COL4A3: variants seen among roughly 807,000 people sequenced by gnomAD.
COL4A3 encodes the protein collagen type IV alpha 3 chain.
Under a neutral mutation model 217.4 loss-of-function variants are expected in COL4A3, and 135 were observed. That is an observed-to-expected ratio of 0.62 (90% CI 0.54 to 0.72). COL4A3 has a LOEUF of 0.72. Among genes scored for constraint, COL4A3 ranks in the 30% least tolerant of loss-of-function variants. The pLI is 0.00. For synonymous variants in COL4A3, 690 were observed against 736.3 expected (o/e 0.94, Z 1.02); for missense variants, 1,868 against 2,119.9 (o/e 0.88, Z 2.33).
At chr2:227,273,813 A>C (rs1424367813) in intron 26 of COL4A3, among the ~76,000 whole-genome samples, 2 of 152,256 alleles carry the variant, frequency 1.3e-5, no homozygotes, top group Non-Finnish European at 2.9e-5. Flanking sequence ...ATAGTTTAAA[A>C]GTCCAGGTAA....
At position 227,179,378 on chromosome 2, in the gene COL4A3, GAGACTTAAAAAA is replaced by G. The variant is rs530818074; in HGVS notation, c.87+14568_87+14579del. Among the ~76,000 whole-genome samples the G allele has an allele frequency of 8.0e-3, 1,221 of 152,154 alleles. 17 individuals are homozygous for G. Among genetic ancestry groups the G allele is most frequent in the African/African-American group, 0.028 (1,164 of 41,522 alleles). On this transcript the variant is annotated intron_variant, in intron 1 of 51. Coordinates refer to ENST00000396578, the MANE Select transcript of COL4A3 (RefSeq NM_000091.5). ...AGTTTTAAAATGATGAATGCTTCAT[GAGACTTAAAAAA>G]AGCATCAATTAATTACTTTTATTTA...
At position 227,205,424 on chromosome 2, in the gene COL4A3, A is replaced by G. The variant is rs1323884389; in HGVS notation, c.88-32544A>G. Reference sequence around the variant, plus strand: ...AAGGTACAAACATTGTGATATGTTTATAACATAGGAGAATTTGCTTTCAAT... The same window carrying G: ...AAGGTACAAACATTGTGATATGTTTGTAACATAGGAGAATTTGCTTTCAAT... On this transcript the variant is annotated intron_variant, in intron 1 of 51. Coordinates refer to ENST00000396578, the MANE Select transcript of COL4A3 (RefSeq NM_000091.5). 2.0e-5 allele frequency among the ~76,000 whole-genome samples: 3 copies of G among 152,176 alleles called. No homozygotes were observed. In the East Asian group the frequency reaches 5.8e-4, roughly 29 times the overall value.
Position 227,270,805 on chromosome 2 carries a change from A to C in COL4A3, c.1611A>C (p.Lys537Asn). The C allele has an allele frequency of 1.2e-6, 2 of 1,614,152 alleles. No homozygotes were observed. The highest frequency in any genetic ancestry group is 1.7e-6 in the Non-Finnish European group (2 of 1,180,020). ...GTGCCCAGGGTGACCCAGGACTTAA[A>C]GGAGAAAAAGGTGAAACACTTCAGC... ...FPGAQGDPGL[K>N]GEKGETLQPE... The change falls in exon 25 of 52, where the codon AAA (lysine) becomes AAC (asparagine). Residue 537 changes from lysine to asparagine, a missense_variant. Physicochemically the swap from Lys to Asn is moderately conservative, Grantham distance 94. Around this residue, in one of 2 missense-constraint regions of COL4A3, gnomAD observed 1,503 missense variants for 1,786.1 expected, o/e 0.84. Coordinates refer to ENST00000396578, the MANE Select transcript of COL4A3 (RefSeq NM_000091.5).
chr2:227,236,748 C>T (rs2068726366), intron 1 of COL4A3, among the ~76,000 whole-genome samples: 1 of 151,658 alleles, frequency 6.6e-6, no homozygotes, highest in Non-Finnish European at 1.5e-5. Context: ...CAACCTCCAC[C>T]TCCTGGGTTC....
chr2:227,205,061 T>A (rs1005771410), intron 1 of COL4A3, among the ~76,000 whole-genome samples: 1 of 152,166 alleles, frequency 6.6e-6, no homozygotes, highest in Non-Finnish European at 1.5e-5. Flanking sequence ...GGAGCAGAAG[T>A]TTATTTAGAG....
intron 7 of COL4A3, 118 bp from the exon 8 acceptor site, chr2:227,247,440 G>GC (rs1332182630): frequency 1.1e-6 from 1 of 910,122 alleles, no homozygotes; most frequent in East Asian, 2.4e-5. Flanking sequence ...GCTTTGTAAG[G>GC]CCGTGGGAGG....
chr2:227,195,735 C>T (rs895940108), intron 1 of COL4A3, among the ~76,000 whole-genome samples: 2 of 144,602 alleles, frequency 1.4e-5, no homozygotes, highest in African/African-American at 5.2e-5. Context: ...TCAGGCAGGT[C>T]CTTCAGGAGA....
chr2:227,247,878 G>C (rs2069446267), intron 8 of COL4A3, among the ~76,000 whole-genome samples: 1 of 152,174 alleles, frequency 6.6e-6, no homozygotes, highest in South Asian at 2.1e-4. Context: ...GGCAGGGATT[G>C]TCACTATTTT....
intron 1 of COL4A3, among the ~76,000 whole-genome samples, chr2:227,210,638 A>AT (rs149207185): frequency 0.076 from 11,576 of 152,294 alleles, 633 homozygotes; most frequent in African/African-American, 0.15. Flanking sequence ...ACATGTACAC[A>AT]GCACGCATGC....
intron 4 of COL4A3, chr2:227,244,685 A>C (rs1335105546): frequency 3.1e-6 from 2 of 638,752 alleles, no homozygotes; most frequent in South Asian, 1.8e-5. Context: ...AGATTGGAGC[A>C]CTTCATTGCA....
chr2:227,202,754 T>C (rs1218964571), intron 1 of COL4A3, among the ~76,000 whole-genome samples: 1 of 76,848 alleles, frequency 1.3e-5, no homozygotes, highest in Non-Finnish European at 2.3e-5. Context: ...AAAATATATA[T>C]ATATATATAT....
At chr2:227,257,745 G>A (rs2070280336) in intron 18 of COL4A3, 101 bp downstream of exon 18, 1 of 1,057,336 alleles carries the variant, frequency 9.5e-7, no homozygotes. Context: ...GTGTGAGAGA[G>A]ATTATAACAT....
chr2:227,167,165 C>T (rs926754762), intron 1 of COL4A3, among the ~76,000 whole-genome samples: 1 of 152,130 alleles, frequency 6.6e-6, no homozygotes, highest in Non-Finnish European at 1.5e-5. Flanking sequence ...AACTTTGGAG[C>T]CATTATATTT....
At chr2:227,302,887 C>A in intron 43 of COL4A3, 151 bp from the exon 44 acceptor site, 2 of 643,608 alleles carry the variant, frequency 3.1e-6, no homozygotes, top group South Asian at 1.7e-5. Context: ...GGAGTTATAG[C>A]CTTGATTGAA....
At chr2:227,252,367 C>T (rs1351074162) in intron 11 of COL4A3, among the ~76,000 whole-genome samples, 1 of 151,416 alleles carries the variant, frequency 6.6e-6, no homozygotes, top group African/African-American at 2.4e-5. Flanking sequence ...GTGTGCATCA[C>T]CACTCCCAGC....
chr2:227,266,947 G>A lies in COL4A3; in HGVS notation c.1409-46G>A, dbSNP rs181976263. ...TTGGAAAATATTTGTTCTTTCTGAG[G>A]ACTCAATGTAGCTTTTTAAGTAATG... On this transcript the variant is annotated intron_variant, in intron 22 of 51. Coordinates refer to ENST00000396578, the MANE Select transcript of COL4A3 (RefSeq NM_000091.5). 42 of 1,276,022 alleles carry A rather than the reference G, an allele frequency of 3.3e-5. 1 individual carries two copies. The African/African-American group carries it at 4.8e-4, about 15-fold the overall frequency. 79.0% of individuals were successfully genotyped at this position (1,276,022 alleles called of 1,614,324 possible). A position where few individuals can be genotyped will look rare whatever the true frequency, so the allele number is the denominator to read the frequency against.
At position 227,250,844 on chromosome 2, in the gene COL4A3, A is replaced by G. The variant is rs190757893; in HGVS notation, c.547-296A>G. ...AGCATGCTTGGCCAAAATGAGAGAGAAAGGAAAAGGGAGAAGAAAAGAGGT... is the reference window on the plus strand; with the variant it reads ...AGCATGCTTGGCCAAAATGAGAGAGGAAGGAAAAGGGAGAAGAAAAGAGGT... On this transcript the variant is annotated intron_variant, in intron 9 of 51. Transcript: ENST00000396578. This position sits in a 1 kb window ranked among gnomAD's most constrained non-coding sequence, Gnocchi z 4.1. 1.5e-3 allele frequency among the ~76,000 whole-genome samples: 235 copies of G among 152,214 alleles called. No homozygotes were observed. Among genetic ancestry groups the G allele is most frequent in the African/African-American group, 5.4e-3 (226 of 41,524 alleles).
intron 41 of COL4A3, chr2:227,296,402 C>A: frequency 1.9e-6 from 1 of 517,982 alleles, no homozygotes; most frequent in Non-Finnish European, 2.5e-6. Flanking sequence ...TGGTATAAAA[C>A]GGTCATACCT....
At chr2:227,292,282 A>G (rs2072790464) in intron 37 of COL4A3, among the ~76,000 whole-genome samples, 1 of 152,222 alleles carries the variant, frequency 6.6e-6, no homozygotes, top group African/African-American at 2.4e-5. Flanking sequence ...CAAGAAAGCA[A>G]CTGTTTACTA....
Sources: gnomAD v4.1 joint callset for allele counts (sites outside exome capture counted in the v4.1 genomes callset) on GRCh38, gnomAD v4.1.1 for gene constraint, gnomAD v4.1.1 regional missense constraint, Gnocchi (gnomAD v3.1) non-coding constraint, MANE v1.5 for transcripts, NCBI Gene and HGNC (gene_info 2026-07-23, HGNC 2026-07-21) for gene names.